Variants in WDR36 observed in about 807,000 individuals in gnomAD.
WDR36 encodes WD repeat-containing protein 36.
A neutral mutation model predicts 112.7 loss-of-function variants in WDR36; 63 were observed. That is an observed-to-expected ratio of 0.56 (90% CI 0.46 to 0.69). WDR36 has a LOEUF of 0.69. Ranked by LOEUF, WDR36 falls within the 30% of genes least tolerant of loss-of-function variation. The pLI is 0.00. For synonymous variants in WDR36, 410 were observed against 362.2 expected, an observed-to-expected ratio of 1.13 and a Z score of -1.50; for missense variants, 1,226 against 1,070.3, an observed-to-expected ratio of 1.15 and a Z score of -2.03.
At position 111,104,242 on chromosome 5, in the gene WDR36, A is replaced by G. The variant is rs760360952; in HGVS notation, c.796A>G (p.Lys266Glu). ...GHIGLWDLED[K>E]KLINQMRNAH... ...TATTGGACTCTGGGATCTAGAAGACAAAAAATTAATCAACCAAATGAGAAA... is the reference window on the plus strand; with the variant it reads ...TATTGGACTCTGGGATCTAGAAGACGAAAAATTAATCAACCAAATGAGAAA... The change falls in exon 8 of 23, where the codon AAA (lysine) becomes GAA (glutamate). Residue 266 changes from lysine (K) to glutamate (E), a missense_variant. Coordinates refer to ENST00000513710, the MANE Select transcript of WDR36 (RefSeq NM_139281.3). The G allele has an allele frequency of 6.2e-7, 1 of 1,612,018 alleles. No homozygotes were observed. Among genetic ancestry groups the G allele is most frequent in the Non-Finnish European group, 8.5e-7 (1 of 1,178,564 alleles).
chr5:111,109,144 A>G (rs1753275059), intron 12 of WDR36, among the ~76,000 whole-genome samples: 1 of 151,372 alleles, frequency 6.6e-6, no homozygotes, highest in South Asian at 2.1e-4. Flanking sequence ...AATGTAAAGC[A>G]GGACAATGTA....
intron 16 of WDR36, among the ~76,000 whole-genome samples, chr5:111,114,356 C>T (rs544574744): frequency 1.3e-5 from 2 of 152,220 alleles, no homozygotes; most frequent in South Asian, 2.1e-4. Context: ...AAAATATTCC[C>T]AAATTAAGCT....
chr5:111,121,209 G>A (rs1202825792), intron 19 of WDR36, 68 bp downstream of exon 19: 5 of 1,568,298 alleles, frequency 3.2e-6, no homozygotes, highest in East Asian at 2.2e-5. Context: ...TTTAAGCAGA[G>A]AGAACTTCTC....
At chr5:111,111,556 A>G (rs1268146335) in intron 15 of WDR36, 4 of 339,920 alleles carry the variant, frequency 1.2e-5, no homozygotes, top group Admixed American at 4.3e-5. Flanking sequence ...ATCCATTGGT[A>G]TATATGTCAT....
chr5:111,116,423 A>G (rs1326177345), intron 16 of WDR36, among the ~76,000 whole-genome samples: 1 of 152,202 alleles, frequency 6.6e-6, no homozygotes, highest in Non-Finnish European at 1.5e-5. Flanking sequence ...TTCTTCCTTA[A>G]AGATTTCTGT....
Position 111,130,393 on chromosome 5 carries a change from T to A in WDR36, c.*3510T>A. 5.5e-6 allele frequency: 1 copy of A among 182,546 alleles called. No homozygotes were observed. Among genetic ancestry groups the A allele is most frequent in the Non-Finnish European group, 1.2e-5 (1 of 85,294 alleles). The allele number at this position is 182,546 out of a possible 1,614,324, so 11.3% of individuals were successfully genotyped here. On this transcript the variant is annotated 3_prime_UTR_variant, in exon 23 of 23. Transcript: ENST00000513710. ...TGTGTTGTTCAAAGATCATTTGTAT[T>A]TCTCTTCAAGAACAATGAATGTCTT...
intron 22 of WDR36, among the ~76,000 whole-genome samples, chr5:111,126,050 G>C (rs756829784): frequency 5.9e-5 from 9 of 152,142 alleles, no homozygotes; most frequent in Non-Finnish European, 1.2e-4. Context: ...TGGACAGCTA[G>C]ACAGTGCAGC....
chr5:111,115,553 CT>C (rs1393198421), intron 16 of WDR36, among the ~76,000 whole-genome samples: 12 of 151,824 alleles, frequency 7.9e-5, no homozygotes, highest in South Asian at 2.1e-4. Flanking sequence ...CAGACTGTGT[CT>C]TGTTTTAAGT....
At chr5:111,118,653 A>G (rs1753503497) in intron 16 of WDR36, among the ~76,000 whole-genome samples, 1 of 152,166 alleles carries the variant, frequency 6.6e-6, no homozygotes, top group African/African-American at 2.4e-5. Context: ...CAGAATACTG[A>G]TAATTAGATT....
intron 15 of WDR36, 24 bp from the exon 16 acceptor site, chr5:111,113,050 A>C: frequency 4.3e-6 from 2 of 467,132 alleles, no homozygotes; most frequent in East Asian, 6.2e-5. Flanking sequence ...ATATATATAT[A>C]TATTTTTTTT....
intron 22 of WDR36, among the ~76,000 whole-genome samples, chr5:111,126,334 T>C (rs1561711921): frequency 1.3e-5 from 2 of 152,124 alleles, no homozygotes; most frequent in Non-Finnish European, 2.9e-5. Context: ...ATGATTAATA[T>C]AGTGGTGAAC....
chr5:111,126,985 C>T lies in WDR36; in HGVS notation c.*102C>T, dbSNP rs1046859319. 5 of 1,138,672 alleles carry T rather than the reference C, an allele frequency of 4.4e-6. No homozygotes were observed. The highest frequency in any genetic ancestry group is 3.2e-5 in the African/African-American group (2 of 63,422). 70.5% of individuals were successfully genotyped at this position (1,138,672 alleles called of 1,614,324 possible). On this transcript the variant is annotated 3_prime_UTR_variant, in exon 23 of 23. Transcript: ENST00000513710. ...AATGTGAAAAGAAAATAAATGCTAG[C>T]ACTACTGACTAGTCAGTATATCTCC...
intron 9 of WDR36, 144 bp downstream of exon 9, chr5:111,104,961 T>A (rs1753195981): frequency 8.0e-7 from 1 of 1,248,848 alleles, no homozygotes; most frequent in East Asian, 2.4e-5. Context: ...AGAGTCCTTT[T>A]TGTCTACTTG....
chr5:111,114,835 G>A (rs551565744), intron 16 of WDR36, among the ~76,000 whole-genome samples: 1 of 151,974 alleles, frequency 6.6e-6, no homozygotes, highest in African/African-American at 2.4e-5. Flanking sequence ...TTGGCATAGT[G>A]CCTTTTTCAT....
chr5:111,128,869 G>A lies in WDR36; in HGVS notation c.*1986G>A, dbSNP rs963638864. The A allele has an allele frequency of 5.3e-6, 1 of 188,958 alleles. No homozygotes were observed. Among genetic ancestry groups the A allele is most frequent in the Non-Finnish European group, 1.1e-5 (1 of 89,972 alleles). The allele number at this position is 188,958 out of a possible 1,614,324, so 11.7% of individuals were successfully genotyped here. A position where few individuals can be genotyped will look rare whatever the true frequency, so the allele number is the denominator to read the frequency against. Reference sequence around the variant, plus strand: ...TAATATATGACTACATTTTGCTTGTGTGCTTTTTGAAAACCATCTTCAGTC... The same window carrying A: ...TAATATATGACTACATTTTGCTTGTATGCTTTTTGAAAACCATCTTCAGTC... On this transcript the variant is annotated 3_prime_UTR_variant, in exon 23 of 23. Coordinates refer to ENST00000513710, the MANE Select transcript of WDR36 (RefSeq NM_139281.3).
intron 6 of WDR36, 83 bp downstream of exon 6, chr5:111,102,482 C>T (rs546838088): frequency 1.8e-5 from 25 of 1,356,810 alleles, no homozygotes; most frequent in East Asian, 1.4e-4. Context: ...TAATTTTAGA[C>T]GTAAAGACGA....
At chr5:111,116,594 ATTGTAAGGTACC>A (rs1753461547) in intron 16 of WDR36, among the ~76,000 whole-genome samples, 1 of 137,214 alleles carries the variant, frequency 7.3e-6, no homozygotes, top group African/African-American at 2.9e-5. Flanking sequence ...TTCAGAAAAA[ATTGTAAGGTACC>A]TTGGGACTTA....
chr5:111,119,160 A>G (rs1289157079), intron 17 of WDR36, 40 bp downstream of exon 17: 1 of 1,505,128 alleles, frequency 6.6e-7, no homozygotes, highest in South Asian at 1.1e-5. Flanking sequence ...GATGAAGAAG[A>G]TTGTATTGTC....
Position 111,119,039 on chromosome 5 carries a change from C to G in WDR36, c.1823C>G (p.Ser608Trp), listed in dbSNP as rs772011041. The change falls in exon 17 of 23, where the codon TCG (serine) becomes TGG (tryptophan). Residue 608 changes from serine (S) to tryptophan (W), a missense_variant. By Grantham distance (177) the Ser-to-Trp change is radical. Coordinates refer to ENST00000513710, the MANE Select transcript of WDR36 (RefSeq NM_139281.3). Reference protein sequence around the residue: ...GCLIDCFLLDSAPLNVSMSPT... With the variant: ...GCLIDCFLLDWAPLNVSMSPT... ...CTTATAGACTGCTTTTTGTTGGACT[C>G]GGCTCCTCTCAATGTTTCTATGTCT... 1 of 1,613,500 alleles carries G rather than the reference C, an allele frequency of 6.2e-7. No homozygotes were observed. The highest frequency in any genetic ancestry group is 2.2e-5 in the East Asian group (1 of 44,846).
Sources: gnomAD v4.1 joint callset for allele counts (sites outside exome capture counted in the v4.1 genomes callset) on GRCh38, gnomAD v4.1.1 for gene constraint, MANE v1.5 for transcripts, NCBI Gene and HGNC (gene_info 2026-07-23, HGNC 2026-07-21) for gene names.